The following P2RX4 variants were observed in gnomAD, a reference collection of about 807,000 sequenced individuals.
P2RX4 encodes purinergic receptor P2X 4, also known as P2X purinoceptor 4.
In P2RX4, 37 loss-of-function variants were observed where a neutral mutation model predicts 48.0. The observed-to-expected ratio is 0.77, with a 90% CI of 0.59 to 1.01. The LOEUF (loss-of-function observed/expected upper bound fraction) is 1.01, where lower values mean the gene tolerates loss of function less well. Among genes scored for constraint, P2RX4 ranks in the 50% least tolerant of loss-of-function variants. The pLI, the probability that P2RX4 is intolerant of heterozygous loss-of-function variation, is 0.00. For missense variants in P2RX4, 501 were observed against 521.4 expected, an observed-to-expected ratio of 0.96 and a Z score of 0.38; for synonymous variants, 200 against 199.7, an observed-to-expected ratio of 1.00 and a Z score of -0.01.
At chr12:121,211,966 C>T (rs1438237185) in intron 1 of P2RX4, among the ~76,000 whole-genome samples, 2 of 152,196 alleles carry the variant, frequency 1.3e-5, no homozygotes, top group East Asian at 1.9e-4. Flanking sequence ...TGAGCCACCG[C>T]GCCCAGACGC....
At position 121,212,821 on chromosome 12, in the gene P2RX4, TATA is replaced by T. The variant is rs1399100653; in HGVS notation, c.134+2524_134+2526del. ...ATATATATATATATATATATATATA[TATA>T]TTTTTTTTTTTTTTTTGGAGACTCA... On this transcript the variant is annotated intron_variant, in intron 1 of 11. Transcript: ENST00000337233. The T allele has an allele frequency of 9.8e-4, 46 of 46,774 alleles. 2 individuals carry two copies. The highest frequency in any genetic ancestry group is 3.9e-3 in the African/African-American group (33 of 8,496). 2.9% of individuals were successfully genotyped at this position (46,774 alleles called of 1,614,324 possible). A position where few individuals can be genotyped will look rare whatever the true frequency, so the allele number is the denominator to read the frequency against.
chr12:121,210,323 C>A (rs755208897), intron 1 of P2RX4, 25 bp downstream of exon 1: 19 of 1,491,836 alleles, frequency 1.3e-5, no homozygotes, highest in Non-Finnish European at 1.7e-5. Context: ...GCGCGGGGGG[C>A]GCGGCGGGTG....
In P2RX4 at chr12:121,222,177, G is replaced by A. The variant is rs768669165; in HGVS notation, c.427+11G>A. On this transcript the variant is annotated intron_variant, in intron 4 of 11. Coordinates refer to ENST00000337233, the MANE Select transcript of P2RX4 (RefSeq NM_002560.3). Reference sequence around the variant, plus strand: ...GCACCCACAGCAACGGTACGAGCTTGTGGCCTCCTGGGGAGGGCGGCCCCT... The same window carrying A: ...GCACCCACAGCAACGGTACGAGCTTATGGCCTCCTGGGGAGGGCGGCCCCT... 1.4e-5 allele frequency: 23 copies of A among 1,602,738 alleles called. No homozygotes were observed. The highest frequency in any genetic ancestry group is 6.7e-5 in the Admixed American group (4 of 60,020).
chr12:121,227,627 T>C (rs1019206966), intron 5 of P2RX4, among the ~76,000 whole-genome samples: 3 of 152,092 alleles, frequency 2.0e-5, no homozygotes, highest in East Asian at 1.9e-4. Context: ...TTTCACCGCC[T>C]TGGGGGAGAG....
At position 121,215,542 on chromosome 12, in the gene P2RX4, C is replaced by G. The variant is rs1274567382; in HGVS notation, c.135-1592C>G. On this transcript the variant is annotated intron_variant, in intron 1 of 11. Coordinates refer to ENST00000337233, the MANE Select transcript of P2RX4 (RefSeq NM_002560.3). ...CACTGCAGCCTCCGTCTCCCAGGCT[C>G]AAGTGATCCTCCCACCTCAGCCTCC... 4 of 151,550 alleles carry G rather than the reference C, an allele frequency of 2.6e-5. No homozygotes were observed. The East Asian group carries it at 5.8e-4, about 22-fold the overall frequency. 9.4% of individuals were successfully genotyped at this position (151,550 alleles called of 1,614,324 possible). A position where few individuals can be genotyped will look rare whatever the true frequency, so the allele number is the denominator to read the frequency against.
rs1358375217 is a variant in P2RX4, at chr12:121,212,822, A to ATTTTTTTT, written c.134+2525_134+2526insTTTTTTTT. On this transcript the variant is annotated intron_variant, in intron 1 of 11. Transcript: ENST00000337233. ...TATATATATATATATATATATATAT[A>ATTTTTTTT]TATTTTTTTTTTTTTTTTGGAGACT... is the stretch of plus-strand genomic sequence containing the variant. 78 of 42,796 alleles carry ATTTTTTTT rather than the reference A, an allele frequency of 1.8e-3. 2 individuals carry two copies. Among genetic ancestry groups the ATTTTTTTT allele is most frequent in the Non-Finnish European group, 2.5e-3 (68 of 27,264 alleles). 2.7% of individuals were successfully genotyped at this position (42,796 alleles called of 1,614,324 possible).
Position 121,222,937 on chromosome 12 carries a change from G to A in P2RX4, c.428-10G>A, listed in dbSNP as rs1391619768. On this transcript the variant is annotated splice_polypyrimidine_tract_variant and intron_variant, in intron 4 of 11. Coordinates refer to ENST00000337233, the MANE Select transcript of P2RX4 (RefSeq NM_002560.3). ...GACATGGGACCCCCCTGCCACCCTT[G>A]TGCTTGTAGGAGTCTCAACAGGCAG... The A allele has an allele frequency of 6.2e-7, 1 of 1,601,974 alleles. No homozygotes were observed.
chr12:121,223,981 G>A (rs559581660), intron 5 of P2RX4, among the ~76,000 whole-genome samples: 140 of 152,308 alleles, frequency 9.2e-4, no homozygotes, highest in African/African-American at 3.2e-3. Flanking sequence ...AGCATAGCCC[G>A]GGAGGCAGCG....
chr12:121,230,982 A>ATATAT lies in P2RX4; in HGVS notation c.885-1431_885-1430insATATT, dbSNP rs1471846304. 9.9e-3 allele frequency among the ~76,000 whole-genome samples: 1,121 copies of ATATAT among 113,234 alleles called. 22 individuals are homozygous for ATATAT. Among genetic ancestry groups the ATATAT allele is most frequent in the Admixed American group, 0.059 (681 of 11,490 alleles). The allele number at this position is 113,234 out of a possible 152,430, so 74.3% of individuals were successfully genotyped here. ...ATATATATAGCCATTATATATATATATTTTTTTTTTTTTCTTCTTTTTTAA... is the reference window on the plus strand; with the variant it reads ...ATATATATAGCCATTATATATATATATATATTTTTTTTTTTTTTCTTCTTTTTTAA... On this transcript the variant is annotated intron_variant, in intron 8 of 11. Transcript: ENST00000337233.
At chr12:121,210,404 A>C in intron 1 of P2RX4, 106 bp downstream of exon 1, 3 of 1,163,132 alleles carry the variant, frequency 2.6e-6, no homozygotes, top group Non-Finnish European at 2.2e-6. Flanking sequence ...GGGAGCGGCG[A>C]GCCGAGGCGG....
rs1042132803 is a variant in P2RX4 at position 121,230,987 on chromosome 12, T to A, written c.885-1427T>A. Among the ~76,000 whole-genome samples, 152 of 137,868 alleles carry A rather than the reference T, an allele frequency of 1.1e-3. 1 individual carries two copies. Among genetic ancestry groups the A allele is most frequent in the African/African-American group, 3.2e-3 (124 of 39,082 alleles). The allele number at this position is 137,868 out of a possible 152,430, so 90.4% of individuals were successfully genotyped here. A position where few individuals can be genotyped will look rare whatever the true frequency, so the allele number is the denominator to read the frequency against. On this transcript the variant is annotated intron_variant, in intron 8 of 11. Coordinates refer to ENST00000337233, the MANE Select transcript of P2RX4 (RefSeq NM_002560.3). Reference sequence around the variant, plus strand: ...TATAGCCATTATATATATATATTTTTTTTTTTTTCTTCTTTTTTAAGGGAG... The same window carrying A: ...TATAGCCATTATATATATATATTTTATTTTTTTTCTTCTTTTTTAAGGGAG...
At chr12:121,222,253 T>G in intron 4 of P2RX4, 87 bp downstream of exon 4, 1 of 932,244 alleles carries the variant, frequency 1.1e-6, no homozygotes, top group Non-Finnish European at 1.7e-6. Context: ...ATCTTCCCAA[T>G]TCCTTCACAT....
chr12:121,230,773 G>A (rs2136245422), intron 8 of P2RX4, among the ~76,000 whole-genome samples: 1 of 152,294 alleles, frequency 6.6e-6, no homozygotes, highest in East Asian at 1.9e-4. Context: ...AGAGCATGGA[G>A]CTAGGGTGCG....
chr12:121,230,902 T>G (rs761435245), intron 8 of P2RX4, among the ~76,000 whole-genome samples: 8 of 150,994 alleles, frequency 5.3e-5, no homozygotes, highest in South Asian at 2.1e-4. Context: ...GTGCTCGCTC[T>G]CTCTCTCTCT....
At chr12:121,219,083 C>T (rs541024106) in intron 2 of P2RX4, among the ~76,000 whole-genome samples, 1 of 152,140 alleles carries the variant, frequency 6.6e-6, no homozygotes, top group Non-Finnish European at 1.5e-5. Flanking sequence ...CTGGATTGTT[C>T]CAAGTATAAC....
intron 4 of P2RX4, chr12:121,222,398 G>GTTTTTTTTTTTTTTTTT: frequency 1.6e-5 from 7 of 425,532 alleles, no homozygotes; most frequent in South Asian, 6.3e-5. Flanking sequence ...GTTTTTTCTT[G>GTTTTTTTTTTTTTTTTT]TTTTTTTTTT....
rs571039978 is a variant in P2RX4, at chr12:121,215,423, A to G, written c.135-1711A>G. 3 of 151,644 alleles carry G rather than the reference A, an allele frequency of 2.0e-5. No homozygotes were observed. The South Asian group carries it at 6.3e-4, about 32-fold the overall frequency. 9.4% of individuals were successfully genotyped at this position (151,644 alleles called of 1,614,324 possible). A position where few individuals can be genotyped will look rare whatever the true frequency, so the allele number is the denominator to read the frequency against. On this transcript the variant is annotated intron_variant, in intron 1 of 11. Transcript: ENST00000337233. ...GCCTCCAGTCTGTCCTAACCCCTATAAGCTAATGCCTGTAGATGGTTTTTT... is the reference window on the plus strand; with the variant it reads ...GCCTCCAGTCTGTCCTAACCCCTATGAGCTAATGCCTGTAGATGGTTTTTT...
chr12:121,233,494 C>A lies in P2RX4; in HGVS notation c.1141-29C>A, dbSNP rs776491222. On this transcript the variant is annotated intron_variant, in intron 11 of 11. Coordinates refer to ENST00000337233, the MANE Select transcript of P2RX4 (RefSeq NM_002560.3). ...CCTGCCACAAGGGGTCCCAGGGGCA[C>A]CTTGATCTGCTTGTGTCCTTCTTTG... is the stretch of plus-strand genomic sequence containing the variant. The A allele has an allele frequency of 5.6e-6, 9 of 1,600,564 alleles. No homozygotes were observed. In the South Asian group the frequency reaches 9.0e-5, roughly 16 times the overall value.
Position 121,232,623 on chromosome 12 carries a change from G to A in P2RX4, c.991G>A (p.Asp331Asn), listed in dbSNP as rs142278419. Residue 331 changes from aspartate to asparagine, a missense_variant, in exon 10 of 12, where the codon GAC becomes AAC. This residue lies in a region of P2RX4 where 197 missense variants were observed against 219.5 expected (regional missense o/e 0.90). Coordinates refer to ENST00000337233, the MANE Select transcript of P2RX4 (RefSeq NM_002560.3). The surrounding 1 kb of genome is among the most constrained non-coding windows in gnomAD (Gnocchi z 4.3). The stretch of plus-strand genomic sequence containing the variant: ...GGTGTCTTGGCAGGCAGGGAAATTT[G>A]ACATCATCCCCACTATGATCAACAT... ...IIVFGKAGKF[D>N]IIPTMINIGS... 2.5e-6 allele frequency: 4 copies of A among 1,613,876 alleles called. No individual in the cohort carries two copies. Among genetic ancestry groups the A allele is most frequent in the Non-Finnish European group, 3.4e-6 (4 of 1,179,912 alleles).
Sources: gnomAD v4.1 joint callset for allele counts (sites outside exome capture counted in the v4.1 genomes callset) on GRCh38, gnomAD v4.1.1 for gene constraint, gnomAD v4.1.1 regional missense constraint, Gnocchi (gnomAD v3.1) non-coding constraint, MANE v1.5 for transcripts, NCBI Gene and HGNC (gene_info 2026-07-23, HGNC 2026-07-21) for gene names.